TNRC6B: variants seen among roughly 807,000 people sequenced by gnomAD.
The protein encoded by TNRC6B is trinucleotide repeat containing adaptor 6B.
In TNRC6B, 52 loss-of-function variants were observed where a neutral mutation model predicts 203.6. The ratio of observed to expected loss-of-function variants is 0.26; its 90% CI spans 0.20 to 0.32. The LOEUF is 0.32. Among genes scored for constraint, TNRC6B ranks in the 10% least tolerant of loss-of-function variants. TNRC6B has a pLI of 1.00. For missense variants in TNRC6B, 1,923 were observed against 2,286.2 expected (o/e 0.84, Z 3.24); for synonymous variants, 838 against 845.7 (o/e 0.99, Z 0.16).
chr22:40,049,895 C>T (rs189181752), intron 1 of TNRC6B, among the ~76,000 whole-genome samples: 12 of 152,272 alleles, frequency 7.9e-5, no homozygotes, highest in African/African-American at 2.4e-4. Flanking sequence ...TGAGCCACCG[C>T]GCCCGGCTGG....
rs539337097 is a variant in TNRC6B at position 40,197,835 on chromosome 22, C to T, written c.5+19695C>T. 4.0e-5 allele frequency among the ~76,000 whole-genome samples: 6 copies of T among 151,842 alleles called. No homozygotes were observed. In the South Asian group the frequency reaches 1.2e-3, roughly 32 times the overall value. On this transcript the variant is annotated intron_variant, in intron 1 of 22. Transcript: ENST00000454349. ...CTGTGCTGCTCAGGCTGGTCTTGAA[C>T]TCCTGGGCTCAAGTGATTCTCCCAC...
chr22:40,234,183 G>A (rs1423951395), intron 1 of TNRC6B, among the ~76,000 whole-genome samples: 1 of 152,152 alleles, frequency 6.6e-6, no homozygotes, highest in Non-Finnish European at 1.5e-5. Context: ...CCACTTGGAA[G>A]GCCAAGGCAG....
chr22:40,116,238 G>A (rs1050677010), intron 1 of TNRC6B, among the ~76,000 whole-genome samples: 2 of 152,156 alleles, frequency 1.3e-5, no homozygotes, highest in South Asian at 2.1e-4. Context: ...TTCTGACAGC[G>A]GTGTAGATGC....
chr22:40,136,371 T>TTGTGTGTGTG (rs56246561), intron 3 of TNRC6B, among the ~76,000 whole-genome samples: 4,137 of 141,096 alleles, frequency 0.029, 287 homozygotes, highest in Admixed American at 0.16. Context: ...TATGTTTATC[T>TTGTGTGTGTG]TGTGTGTGTG....
At chr22:40,084,690 CT>C (rs2068087937) in intron 1 of TNRC6B, among the ~76,000 whole-genome samples, 1 of 152,044 alleles carries the variant, frequency 6.6e-6, no homozygotes, top group East Asian at 1.9e-4. Flanking sequence ...TATAAAGGCT[CT>C]GAAATAGGTA....
chr22:40,301,333 G>C lies in TNRC6B; in HGVS notation c.4120G>C (p.Gly1374Arg). The C allele has an allele frequency of 1.2e-6, 2 of 1,605,522 alleles. No individual in the cohort carries two copies. The highest frequency in any genetic ancestry group is 1.3e-5 in the African/African-American group (1 of 74,956). Reference protein sequence around the residue: ...TKGPIPGYGSGFSSGGMDYGM... With the variant: ...TKGPIPGYGSRFSSGGMDYGM... ...AGGGCCAATACCTGGATATGGTTCT[G>C]GTAAGTTGTTGGTAGAGAAAATTAC... Residue 1374 changes from glycine to arginine, a missense_variant and splice_region_variant, in exon 15 of 23, where the codon GGC becomes CGC. Gly to Arg is a moderately radical substitution (Grantham distance 125). Around this residue, in one of 8 missense-constraint regions of TNRC6B, gnomAD observed 242 missense variants for 399.5 expected, o/e 0.61. Transcript: ENST00000454349.
Position 40,265,642 on chromosome 22 carries a change from A to G in TNRC6B, c.1412A>G (p.Asp471Gly). 6.2e-7 allele frequency: 1 copy of G among 1,613,734 alleles called. No individual in the cohort carries two copies. Among genetic ancestry groups the G allele is most frequent in the Non-Finnish European group, 8.5e-7 (1 of 1,179,802 alleles). Residue 471 changes from aspartate to glycine, a missense_variant, in exon 5 of 23, where the codon GAC becomes GGC. Physicochemically the swap from Asp to Gly is moderately conservative, Grantham distance 94 (BLOSUM62 -1). This residue lies in a region of TNRC6B where 614 missense variants were observed against 587.7 expected (regional missense o/e 1.04). Transcript: ENST00000454349. Reference protein sequence around the residue: ...SVQKSTGSKNDSWDNNNRSTG... With the variant: ...SVQKSTGSKNGSWDNNNRSTG... ...CAGAAATCAACTGGGTCAAAAAATGACTCTTGGGACAACAATAACAGGTCT... is the reference window on the plus strand; with the variant it reads ...CAGAAATCAACTGGGTCAAAAAATGGCTCTTGGGACAACAATAACAGGTCT...
chr22:40,271,549 A>G (rs1312159574), intron 6 of TNRC6B, among the ~76,000 whole-genome samples: 2 of 152,178 alleles, frequency 1.3e-5, no homozygotes, highest in Non-Finnish European at 2.9e-5. Context: ...TGTTTTTATC[A>G]TTATTTCTAT....
chr22:40,230,391 G>C (rs981002684), intron 1 of TNRC6B, among the ~76,000 whole-genome samples: 3 of 149,194 alleles, frequency 2.0e-5, no homozygotes, highest in Non-Finnish European at 4.4e-5. Flanking sequence ...CCAGGCTCAA[G>C]CAATTTCTCC....
At chr22:40,200,278 CTTT>C (rs59067007) in intron 1 of TNRC6B, among the ~76,000 whole-genome samples, 3 of 75,510 alleles carry the variant, frequency 4.0e-5, no homozygotes, top group Non-Finnish European at 6.8e-5. Flanking sequence ...AAGTAATATT[CTTT>C]TTTTTTTTTT....
Position 40,324,773 on chromosome 22 carries a change from G to A in TNRC6B, c.*1532G>A, listed in dbSNP as rs978726603. On this transcript the variant is annotated 3_prime_UTR_variant, in exon 23 of 23. Transcript: ENST00000454349. ...TTTGCTTAGGCAGGTATAACTTAGC[G>A]AAGACTTTTAAGTATTGCACCTTTT... 8.5e-5 allele frequency: 13 copies of A among 152,476 alleles called. No homozygotes were observed. The highest frequency in any genetic ancestry group is 7.2e-4 in the Admixed American group (11 of 15,264). The allele number at this position is 152,476 out of a possible 1,614,324, so 9.4% of individuals were successfully genotyped here.
At chr22:40,318,193 T>A (rs1231459558) in intron 21 of TNRC6B, among the ~76,000 whole-genome samples, 1 of 152,186 alleles carries the variant, frequency 6.6e-6, no homozygotes, top group Non-Finnish European at 1.5e-5. Context: ...CTAAATACAG[T>A]TAACATGAGG....
intron 1 of TNRC6B, among the ~76,000 whole-genome samples, chr22:40,113,072 A>G (rs1431516190): frequency 1.3e-5 from 2 of 152,098 alleles, no homozygotes; most frequent in Non-Finnish European, 2.9e-5. Context: ...GCGTCACTGC[A>G]CTCCAGCCTG....
At chr22:40,282,309 T>C (rs62238022) in intron 11 of TNRC6B, among the ~76,000 whole-genome samples, 11 of 152,228 alleles carry the variant, frequency 7.2e-5, no homozygotes, top group Non-Finnish European at 1.6e-4. Context: ...CCTTAGCACA[T>C]TTTAAAAAAT....
In TNRC6B at chr22:40,270,447, G is replaced by A. The variant is rs113305980; in HGVS notation, c.2965+167G>A. Among the ~76,000 whole-genome samples, 52 of 151,728 alleles carry A rather than the reference G, an allele frequency of 3.4e-4. 2 individuals are homozygous for A. The highest frequency in any genetic ancestry group is 1.2e-3 in the African/African-American group (51 of 41,328). ...CGATTCTCCTGCCTCAGCCTCCCGA[G>A]TAGCTGGGATTACAGGCGCCCGCCA... On this transcript the variant is annotated intron_variant, in intron 6 of 22. Transcript: ENST00000454349.
At chr22:40,104,827 C>G (rs73424253) in intron 1 of TNRC6B, among the ~76,000 whole-genome samples, 8,681 of 152,262 alleles carry the variant, frequency 0.057, 792 homozygotes, top group African/African-American at 0.19. Context: ...ACCCCTTACC[C>G]TGTTTTACAG....
chr22:40,108,120 A>G (rs886079696), intron 1 of TNRC6B, among the ~76,000 whole-genome samples: 6 of 152,140 alleles, frequency 3.9e-5, no homozygotes, highest in African/African-American at 1.4e-4. Flanking sequence ...TGCAGTTAGT[A>G]AACACAGCCC....
intron 1 of TNRC6B, among the ~76,000 whole-genome samples, chr22:40,221,803 G>T (rs1398680205): frequency 2.2e-5 from 3 of 137,490 alleles, no homozygotes; most frequent in Non-Finnish European, 4.6e-5. Flanking sequence ...GCTGCCGCTT[G>T]CTCCAAGGCT....
intron 3 of TNRC6B, among the ~76,000 whole-genome samples, chr22:40,147,172 T>G (rs1372597140): frequency 7.1e-6 from 1 of 141,788 alleles, no homozygotes; most frequent in South Asian, 2.1e-4. Flanking sequence ...TGAAGACATA[T>G]GCTAAGTGAA....
Sources: gnomAD v4.1 joint callset for allele counts (sites outside exome capture counted in the v4.1 genomes callset) on GRCh38, gnomAD v4.1.1 for gene constraint, gnomAD v4.1.1 regional missense constraint, MANE v1.5 for transcripts, NCBI Gene and HGNC (gene_info 2026-07-23, HGNC 2026-07-21) for gene names.